SRPK2: variants seen among roughly 807,000 people sequenced by gnomAD.
The protein encoded by SRPK2 is SFRS protein kinase 2.
In SRPK2, 21 loss-of-function variants were observed where a neutral mutation model predicts 90.8. That is an observed-to-expected ratio of 0.23 (90% CI 0.16 to 0.33). The LOEUF (loss-of-function observed/expected upper bound fraction) is 0.33, where lower values mean the gene tolerates loss of function less well. Ranked by LOEUF, SRPK2 falls within the 10% of genes least tolerant of loss-of-function variation. The pLI, the probability that SRPK2 is intolerant of heterozygous loss-of-function variation, is 1.00. For missense variants in SRPK2, 620 were observed against 869.0 expected, an observed-to-expected ratio of 0.71 and a Z score of 3.60; for synonymous variants, 288 against 311.1, an observed-to-expected ratio of 0.93 and a Z score of 0.78.
At chr7:105,298,374 AT>A (rs1810118137) in intron 2 of SRPK2, among the ~76,000 whole-genome samples, 1 of 152,186 alleles carries the variant, frequency 6.6e-6, no homozygotes, top group Non-Finnish European at 1.5e-5. Context: ...TTGTTTATCC[AT>A]TCACCAATTA....
Position 105,215,361 on chromosome 7 carries a change from TA to T in SRPK2, c.72-11577del, listed in dbSNP as rs145358669. Among the ~76,000 whole-genome samples the T allele has an allele frequency of 7.2e-3, 1,095 of 152,166 alleles. 19 individuals carry two copies. Among genetic ancestry groups the T allele is most frequent in the African/African-American group, 0.025 (1,040 of 41,492 alleles). On this transcript the variant is annotated intron_variant, in intron 2 of 15. Coordinates refer to ENST00000393651, the MANE Select transcript of SRPK2 (RefSeq NM_182692.3). ...GACAGATAACGAGACGTCAGTGACG[TA>T]CAAAACAAGAGAACCCACAAGTATT...
intron 2 of SRPK2, among the ~76,000 whole-genome samples, chr7:105,256,850 C>T (rs769657388): frequency 7.2e-5 from 11 of 152,194 alleles, no homozygotes; most frequent in Non-Finnish European, 1.2e-4. Context: ...TGTAGCCACT[C>T]ATTGGACATA....
intron 7 of SRPK2, among the ~76,000 whole-genome samples, chr7:105,158,973 C>T (rs994545056): frequency 2.6e-5 from 4 of 151,436 alleles, no homozygotes; most frequent in South Asian, 2.1e-4. Context: ...ATCAGCCTGT[C>T]GAAATAATGA....
At chr7:105,317,758 T>C (rs1333929963) in intron 2 of SRPK2, among the ~76,000 whole-genome samples, 1 of 152,198 alleles carries the variant, frequency 6.6e-6, no homozygotes, top group East Asian at 1.9e-4. Context: ...TTTTAAAAAG[T>C]ACCCCTTTTT....
intron 2 of SRPK2, among the ~76,000 whole-genome samples, chr7:105,253,022 CG>C (rs1243169500): frequency 6.6e-6 from 1 of 152,108 alleles, no homozygotes; most frequent in Non-Finnish European, 1.5e-5. Context: ...GGATTACAGG[CG>C]TGAGCCACCG....
At chr7:105,184,220 CTG>C in intron 3 of SRPK2, among the ~76,000 whole-genome samples, 1 of 152,048 alleles carries the variant, frequency 6.6e-6, no homozygotes, top group Non-Finnish European at 1.5e-5. Flanking sequence ...CTCAAATGAT[CTG>C]CCCACCTTGG....
chr7:105,118,645 C>T (rs1799903189), intron 15 of SRPK2, among the ~76,000 whole-genome samples: 1 of 152,146 alleles, frequency 6.6e-6, no homozygotes, highest in Admixed American at 6.5e-5. Flanking sequence ...GGGCTGAGGG[C>T]AGTGGCTCAC....
At chr7:105,345,138 G>A (rs1475826719) in intron 2 of SRPK2, among the ~76,000 whole-genome samples, 1 of 144,894 alleles carries the variant, frequency 6.9e-6, no homozygotes. Context: ...CTCCATCAAG[G>A]ACAGGAGAGG....
At chr7:105,137,512 A>G (rs1448643487) in intron 11 of SRPK2, among the ~76,000 whole-genome samples, 1 of 152,172 alleles carries the variant, frequency 6.6e-6, no homozygotes, top group Non-Finnish European at 1.5e-5. Flanking sequence ...AAGGACTGAC[A>G]GTGGTGTGGG....
At chr7:105,175,443 T>C (rs1467608169) in intron 3 of SRPK2, among the ~76,000 whole-genome samples, 1 of 152,090 alleles carries the variant, frequency 6.6e-6, no homozygotes, top group East Asian at 1.9e-4. Context: ...AAAGTAATCT[T>C]AGTTTCCACC....
At chr7:105,173,922 GT>G (rs67739776) in intron 3 of SRPK2, among the ~76,000 whole-genome samples, 12,856 of 122,754 alleles carry the variant, frequency 0.1, 1,578 homozygotes, top group African/African-American at 0.33. Context: ...GTGTGTTGGT[GT>G]TTTTTTTTTT....
At chr7:105,198,189 A>C (rs746332030) in intron 3 of SRPK2, among the ~76,000 whole-genome samples, 1 of 152,098 alleles carries the variant, frequency 6.6e-6, no homozygotes, top group Non-Finnish European at 1.5e-5. Context: ...GAATTTGTTA[A>C]ATATTTGGAT....
intron 2 of SRPK2, among the ~76,000 whole-genome samples, chr7:105,344,019 C>T (rs994017326): frequency 6.6e-6 from 1 of 152,212 alleles, no homozygotes; most frequent in Non-Finnish European, 1.5e-5. Flanking sequence ...CCGACTCAGC[C>T]TCCCAAAGTG....
At chr7:105,377,531 G>GA (rs577025613) in intron 2 of SRPK2, among the ~76,000 whole-genome samples, 8,318 of 145,810 alleles carry the variant, frequency 0.057, 289 homozygotes, top group Middle Eastern at 0.12. Flanking sequence ...CATCTCAACT[G>GA]AAAAAAAAAA....
At chr7:105,170,102 AC>A (rs1350342455) in intron 3 of SRPK2, among the ~76,000 whole-genome samples, 2 of 152,182 alleles carry the variant, frequency 1.3e-5, no homozygotes, top group East Asian at 3.9e-4. Context: ...GGCATGAGCC[AC>A]CACACCTGGC....
chr7:105,345,431 T>A (rs1323584257), intron 2 of SRPK2, among the ~76,000 whole-genome samples: 2 of 152,090 alleles, frequency 1.3e-5, no homozygotes, highest in African/African-American at 4.8e-5. Flanking sequence ...TTTGATGAGA[T>A]ACCCTAAAGT....
chr7:105,248,127 A>G (rs1345329764), intron 2 of SRPK2, among the ~76,000 whole-genome samples: 1 of 152,186 alleles, frequency 6.6e-6, no homozygotes, highest in African/African-American at 2.4e-5. Flanking sequence ...TGCTGGGATT[A>G]CAGGCGTGAG....
At chr7:105,335,161 G>A (rs1226024291) in intron 2 of SRPK2, among the ~76,000 whole-genome samples, 1 of 152,072 alleles carries the variant, frequency 6.6e-6, no homozygotes, top group African/African-American at 2.4e-5. Flanking sequence ...ACAAGAGCAA[G>A]ACTCCGTCTC....
At chr7:105,179,567 G>A (rs191425345) in intron 3 of SRPK2, among the ~76,000 whole-genome samples, 2 of 152,290 alleles carry the variant, frequency 1.3e-5, no homozygotes, top group Non-Finnish European at 2.9e-5. Context: ...GCTAATGTCT[G>A]TAATCCGAGC....
Sources: allele counts gnomAD v4.1 joint callset (sites outside exome capture counted in the v4.1 genomes callset), GRCh38; gene constraint gnomAD v4.1.1; transcripts MANE v1.5; gene names NCBI Gene and HGNC (gene_info 2026-07-23, HGNC 2026-07-21).